The following FIP1L1 variants were observed in gnomAD, a reference collection of about 807,000 sequenced individuals.
The protein encoded by FIP1L1 is pre-mRNA 3'-end-processing factor FIP1.
In FIP1L1, 21 loss-of-function variants were observed where a neutral mutation model predicts 84.6. That is an observed-to-expected ratio of 0.25 (90% CI 0.18 to 0.36). FIP1L1 has a LOEUF of 0.36. Among genes scored for constraint, FIP1L1 ranks in the 10% least tolerant of loss-of-function variants. FIP1L1 has a pLI of 1.00. For missense variants in FIP1L1, 526 were observed against 751.1 expected, an observed-to-expected ratio of 0.70 and a Z score of 3.50; for synonymous variants, 263 against 242.3, an observed-to-expected ratio of 1.09 and a Z score of -0.80.
intron 4 of FIP1L1, 115 bp from the exon 5 acceptor site, chr4:53,383,658 T>C (rs1399760847): frequency 3.9e-6 from 4 of 1,033,398 alleles, no homozygotes; most frequent in African/African-American, 1.6e-5. Flanking sequence ...TGAGAGTCTG[T>C]CTCAAGACAG....
At chr4:53,417,112 C>G (rs889985177) in intron 11 of FIP1L1, among the ~76,000 whole-genome samples, 8 of 152,040 alleles carry the variant, frequency 5.3e-5, no homozygotes, top group African/African-American at 1.9e-4. Context: ...AGATATAGTA[C>G]TTTACTTTTG....
At chr4:53,381,753 CTT>C (rs531488760) in intron 3 of FIP1L1, among the ~76,000 whole-genome samples, 1,640 of 87,574 alleles carry the variant, frequency 0.019, 14 homozygotes, top group Non-Finnish European at 0.028. Flanking sequence ...CATTTGCATT[CTT>C]TTTTTTTTTT....
intron 4 of FIP1L1, among the ~76,000 whole-genome samples, chr4:53,383,489 C>T (rs535065508): frequency 6.6e-6 from 1 of 152,020 alleles, no homozygotes; most frequent in East Asian, 1.9e-4. Flanking sequence ...TGGTGAAACC[C>T]TGTCTCTGCT....
intron 5 of FIP1L1, among the ~76,000 whole-genome samples, chr4:53,388,237 A>AGT (rs956051931): frequency 1.3e-5 from 2 of 152,244 alleles, no homozygotes; most frequent in African/African-American, 4.8e-5. Flanking sequence ...GTGAATCTGA[A>AGT]GTCCAGATGG....
chr4:53,433,979 C>T (rs1442557574), intron 13 of FIP1L1, among the ~76,000 whole-genome samples: 1 of 151,954 alleles, frequency 6.6e-6, no homozygotes, highest in Non-Finnish European at 1.5e-5. Flanking sequence ...TGGCGAGTTG[C>T]TCATATCTAG....
At chr4:53,399,895 A>G in intron 10 of FIP1L1, 56 bp downstream of exon 10, 1 of 1,163,246 alleles carries the variant, frequency 8.6e-7, no homozygotes. Context: ...TTTACATTGT[A>G]TTTGTGCTAT....
intron 11 of FIP1L1, among the ~76,000 whole-genome samples, chr4:53,418,397 C>T (rs1247752360): frequency 6.6e-6 from 1 of 152,178 alleles, no homozygotes; most frequent in African/African-American, 2.4e-5. Flanking sequence ...TAACAGTATT[C>T]TTCAAGCCAA....
chr4:53,425,987 A>G, intron 12 of FIP1L1, 22 bp downstream of exon 12: 1 of 1,521,984 alleles, frequency 6.6e-7, no homozygotes, highest in Non-Finnish European at 9.0e-7. Context: ...TAAAATAAAT[A>G]ATTTTCTTTA....
intron 10 of FIP1L1, among the ~76,000 whole-genome samples, chr4:53,407,047 G>T (rs1753961317): frequency 1.3e-5 from 2 of 152,206 alleles, no homozygotes; most frequent in South Asian, 4.1e-4. Flanking sequence ...CTTGCCTTCT[G>T]CTAGTTTTTG....
chr4:53,409,088 G>A (rs375260633), intron 10 of FIP1L1, among the ~76,000 whole-genome samples: 2 of 152,080 alleles, frequency 1.3e-5, no homozygotes, highest in East Asian at 3.9e-4. Flanking sequence ...TTAGAGTTTC[G>A]AGTTTTTCTG....
chr4:53,383,938 A>G lies in FIP1L1; in HGVS notation c.332+62A>G, dbSNP rs766564747. ...GCTATATAGTAAGGAGAGTGTGCCT[A>G]TATCAAACTCTCAGTGGTTGAGTCC... is the stretch of plus-strand genomic sequence containing the variant. On this transcript the variant is annotated intron_variant, in intron 5 of 17. Coordinates refer to ENST00000337488, the MANE Select transcript of FIP1L1 (RefSeq NM_030917.4). 18 of 1,436,660 alleles carry G rather than the reference A, an allele frequency of 1.3e-5. No homozygotes were observed. The African/African-American group carries it at 1.3e-4, about 10-fold the overall frequency. 89.0% of individuals were successfully genotyped at this position (1,436,660 alleles called of 1,614,324 possible). A position where few individuals can be genotyped will look rare whatever the true frequency, so the allele number is the denominator to read the frequency against.
intron 11 of FIP1L1, among the ~76,000 whole-genome samples, chr4:53,421,100 C>G (rs1194516209): frequency 6.6e-6 from 1 of 152,108 alleles, no homozygotes; most frequent in African/African-American, 2.4e-5. Context: ...GGTTGAGAAC[C>G]ACTGATTTAG....
chr4:53,439,984 T>C (rs1042284850), intron 13 of FIP1L1, among the ~76,000 whole-genome samples: 2 of 152,042 alleles, frequency 1.3e-5, no homozygotes, highest in Non-Finnish European at 2.9e-5. Context: ...AAGTAAATCA[T>C]TCACGTTTAT....
rs192422243 is a variant in FIP1L1, at chr4:53,382,732, C to T, written c.228+397C>T. ...ACTGCATGCCTGCATGCCATTGATA[C>T]TTTGTGAGGTGAACATATCATTGGT... On this transcript the variant is annotated intron_variant, in intron 4 of 17. Coordinates refer to ENST00000337488, the MANE Select transcript of FIP1L1 (RefSeq NM_030917.4). Among the ~76,000 whole-genome samples, 4 of 152,284 alleles carry T rather than the reference C, an allele frequency of 2.6e-5. No individual in the cohort carries two copies. The East Asian group carries it at 7.7e-4, about 29-fold the overall frequency.
intron 13 of FIP1L1, chr4:53,440,768 G>C (rs1771527605): frequency 1.6e-6 from 1 of 612,080 alleles, no homozygotes; most frequent in South Asian, 1.8e-5. Flanking sequence ...TTCCAGTTTT[G>C]ATTAAGATAT....
chr4:53,423,014 G>A (rs116049584), intron 11 of FIP1L1, among the ~76,000 whole-genome samples: 344 of 152,252 alleles, frequency 2.3e-3, no homozygotes, highest in African/African-American at 8.0e-3. Flanking sequence ...GACCTTCAGA[G>A]ATCAATTTAT....
chr4:53,383,548 G>C (rs1404797248), intron 4 of FIP1L1, among the ~76,000 whole-genome samples: 1 of 152,100 alleles, frequency 6.6e-6, no homozygotes, highest in Non-Finnish European at 1.5e-5. Context: ...TGTAATCCTA[G>C]CTACTCTAGA....
chr4:53,450,344 CTT>C (rs1775879004), intron 15 of FIP1L1, among the ~76,000 whole-genome samples: 1 of 152,150 alleles, frequency 6.6e-6, no homozygotes, highest in Admixed American at 6.5e-5. Flanking sequence ...TTTCTCATAA[CTT>C]TTAAATTTGA....
chr4:53,420,827 A>G (rs936944617), intron 11 of FIP1L1, among the ~76,000 whole-genome samples: 16 of 152,142 alleles, frequency 1.1e-4, no homozygotes, highest in African/African-American at 3.6e-4. Context: ...TATGTAATCA[A>G]TGATATTCTT....
Sources: gnomAD v4.1 joint callset for allele counts (sites outside exome capture counted in the v4.1 genomes callset) on GRCh38, gnomAD v4.1.1 for gene constraint, MANE v1.5 for transcripts, NCBI Gene and HGNC (gene_info 2026-07-23, HGNC 2026-07-21) for gene names.